ANKZF1: variants seen among roughly 807,000 people sequenced by gnomAD.
ANKZF1 encodes ankyrin repeat and zinc finger peptidyl tRNA hydrolase 1, also known as tRNA endonuclease ANKZF1.
Under a neutral mutation model 86.0 loss-of-function variants are expected in ANKZF1, and 84 were observed. That is an observed-to-expected ratio of 0.98 (90% CI 0.82 to 1.17). ANKZF1 has a LOEUF of 1.17. Ranked by LOEUF, ANKZF1 falls within the 50% of genes most tolerant of loss-of-function variation. ANKZF1 has a pLI of 0.00. For missense variants in ANKZF1, 893 were observed against 918.4 expected (o/e 0.97, Z 0.36); for synonymous variants, 331 against 354.2 (o/e 0.93, Z 0.74).
At position 219,234,355 on chromosome 2, in the gene ANKZF1, T is replaced by C. The variant is rs768176164; in HGVS notation, c.1204+67T>C. The C allele has an allele frequency of 2.5e-6, 4 of 1,599,392 alleles. No homozygotes were observed. In the South Asian group the frequency reaches 3.3e-5, roughly 13 times the overall value. On this transcript the variant is annotated intron_variant, in intron 9 of 13. Transcript: ENST00000323348. ...CCTAAAAATGCACTGGCAAATTCCC[T>C]ACTCTCATAACTGACCCATTTCCTT...
Position 219,232,243 on chromosome 2 carries a change from C to CT in ANKZF1, c.262-14dup. ...GGCATATTTCCACCTTTATCTCACT[C>CT]TTTGTCTTTGTACTAGAGGGAACAT... On this transcript the variant is annotated splice_polypyrimidine_tract_variant and intron_variant, in intron 3 of 13. Coordinates refer to ENST00000323348, the MANE Select transcript of ANKZF1 (RefSeq NM_018089.3). 6.2e-7 allele frequency: 1 copy of CT among 1,611,962 alleles called. No homozygotes were observed. The highest frequency in any genetic ancestry group is 2.2e-5 in the East Asian group (1 of 44,870).
intron 2 of ANKZF1, chr2:219,230,959 A>C (rs1951016283): frequency 6.6e-6 from 1 of 152,246 alleles, no homozygotes; most frequent in Non-Finnish European, 1.5e-5. Flanking sequence ...GGCTGGTCTC[A>C]AACTCCTGGC....
intron 6 of ANKZF1, 21 bp downstream of exon 6, chr2:219,233,212 G>T: frequency 7.4e-6 from 12 of 1,614,208 alleles, no homozygotes; most frequent in Non-Finnish European, 1.0e-5. Context: ...GCTGCATGGG[G>T]GTAAGGATGG....
chr2:219,236,383 T>C lies in ANKZF1; in HGVS notation c.2119T>C (p.Ser707Pro), dbSNP rs752992398. ...GLTPFHYLDFSFCSTRCLQDH... is the reference protein window; with the variant it reads ...GLTPFHYLDFPFCSTRCLQDH... ...GACTCCCTTTCACTACCTCGACTTC[T>C]CTTTCTGCTCCACACGTTGCCTCCA... The change falls in exon 14 of 14, where the codon TCT becomes CCT. Residue 707 changes from serine (S) to proline (P), a missense_variant. Ser to Pro is a moderately conservative substitution (Grantham distance 74, BLOSUM62 -1). Transcript: ENST00000323348. The C allele has an allele frequency of 1.2e-6, 2 of 1,614,136 alleles. No individual in the cohort carries two copies. Among genetic ancestry groups the C allele is most frequent in the East Asian group, 2.2e-5 (1 of 44,886 alleles).
rs1433503624 is a variant in ANKZF1, at chr2:219,233,665, T to G, written c.820-50T>G. 1.9e-6 allele frequency: 3 copies of G among 1,545,242 alleles called. No homozygotes were observed. In the Admixed American group the frequency reaches 6.2e-5, roughly 32 times the overall value. ...TGGGCCATTTTTTTTAGTTGGAGATTTATAAATAGCAAGTGAAGGTATGCA... is the reference window on the plus strand; with the variant it reads ...TGGGCCATTTTTTTTAGTTGGAGATGTATAAATAGCAAGTGAAGGTATGCA... On this transcript the variant is annotated intron_variant, in intron 7 of 13. Transcript: ENST00000323348.
rs748218146 is a variant in ANKZF1, at chr2:219,233,051, A to G, written c.559-28A>G. 6.9e-6 allele frequency: 11 copies of G among 1,599,960 alleles called. No homozygotes were observed. The East Asian group carries it at 1.8e-4, about 26-fold the overall frequency. On this transcript the variant is annotated intron_variant, in intron 5 of 13. Transcript: ENST00000323348. ...CTTGCTCTCAGTGAATGCAACAGAT[A>G]TGTTTCTGATGCTTCTCTGTCATCA...
rs1333421482 is a variant in ANKZF1, at chr2:219,236,442, C to G, written c.2178C>G (p.Ser726=). The change falls in exon 14 of 14, where the codon TCC becomes TCG. Residue 726 remains serine, a synonymous_variant. Transcript: ENST00000323348. ...GCCGTCAGGCAGGGAGGCCCTCTTC[C>G]TGATCTCTTACAGCTCTACCTGGGG... The part of the protein sequence containing the change: ...DHRRQAGRPS[S] 2 of 1,600,638 alleles carry G rather than the reference C, an allele frequency of 1.2e-6. No individual in the cohort carries two copies. Among genetic ancestry groups the G allele is most frequent in the Non-Finnish European group, 1.7e-6 (2 of 1,172,614 alleles).
Position 219,236,429 on chromosome 2 carries a change from G to A in ANKZF1, c.2165G>A (p.Gly722Glu). 2 of 1,607,004 alleles carry A rather than the reference G, an allele frequency of 1.2e-6. No individual in the cohort carries two copies. The highest frequency in any genetic ancestry group is 1.3e-5 in the African/African-American group (1 of 74,916). ...RCLQDHRRQA[G>E]RPSS ...CTCCAGGATCATCGCCGTCAGGCAGGGAGGCCCTCTTCCTGATCTCTTACA... is the reference window on the plus strand; with the variant it reads ...CTCCAGGATCATCGCCGTCAGGCAGAGAGGCCCTCTTCCTGATCTCTTACA... Residue 722 changes from glycine to glutamate, a missense_variant, in exon 14 of 14, where the codon GGG becomes GAG. Transcript: ENST00000323348.
In ANKZF1 at chr2:219,235,134, G is replaced by A. The variant is rs1951167501; in HGVS notation, c.1513G>A (p.Gly505Arg). ...TGCACTGCTTGCTGCTTGCCGAGCT[G>A]GAGATGTTGGAGTGCTAAAGCTGCA... The part of the protein sequence containing the change: ...WNALLAACRA[G>R]DVGVLKLQLA... Residue 505 changes from glycine (G) to arginine (R), a missense_variant, in exon 10 of 14, where the codon GGA (glycine) becomes AGA (arginine). Transcript: ENST00000323348. 6.2e-7 allele frequency: 1 copy of A among 1,614,102 alleles called. No homozygotes were observed. Among genetic ancestry groups the A allele is most frequent in the Admixed American group, 1.7e-5 (1 of 60,008 alleles).
chr2:219,235,861 A>T lies in ANKZF1; in HGVS notation c.1957A>T (p.Ser653Cys). The T allele has an allele frequency of 7.4e-6, 12 of 1,614,192 alleles. No homozygotes were observed. Among genetic ancestry groups the T allele is most frequent in the Non-Finnish European group, 1.0e-5 (12 of 1,180,014 alleles). ...REEQRRFAAL[S>C]DREKRALAAE... ...AGAGCAGCGGCGATTTGCCGCCCTCAGTGACCGAGAGAAGGTGAGGCTGGA... is the reference window on the plus strand; with the variant it reads ...AGAGCAGCGGCGATTTGCCGCCCTCTGTGACCGAGAGAAGGTGAGGCTGGA... Residue 653 changes from serine (S) to cysteine (C), a missense_variant, in exon 12 of 14, where the codon AGT (serine) becomes TGT (cysteine). Coordinates refer to ENST00000323348, the MANE Select transcript of ANKZF1 (RefSeq NM_018089.3).
intron 3 of ANKZF1, 56 bp from the exon 4 acceptor site, chr2:219,232,204 C>T: frequency 6.4e-7 from 1 of 1,566,580 alleles, no homozygotes; most frequent in Non-Finnish European, 8.8e-7. Context: ...TTGGCCAGTA[C>T]AAGGCCAGGC....
In ANKZF1 at chr2:219,235,544, A is replaced by C. The variant is rs1951187219; in HGVS notation, c.1762A>C (p.Met588Leu). The C allele has an allele frequency of 2.0e-5, 32 of 1,613,884 alleles. No individual in the cohort carries two copies. Among genetic ancestry groups the C allele is most frequent in the Non-Finnish European group, 2.7e-5 (32 of 1,180,028 alleles). ...KSTRNEFRRF[M>L]EKNPDAYDYN... ...AACACGTAATGAGTTCCGAAGGTTC[A>C]TGGAGAAGAATCCAGATGCCTACGA... Residue 588 changes from methionine (M) to leucine (L), a missense_variant, in exon 11 of 14, where the codon ATG becomes CTG. Physicochemically the swap from Met to Leu is conservative, Grantham distance 15 (BLOSUM62 2). Coordinates refer to ENST00000323348, the MANE Select transcript of ANKZF1 (RefSeq NM_018089.3).
At chr2:219,234,635 C>A in intron 9 of ANKZF1, 191 bp from the exon 10 acceptor site, 1 of 782,886 alleles carries the variant, frequency 1.3e-6, no homozygotes, top group African/African-American at 1.7e-5. Context: ...ACGGAGAGTC[C>A]AGGGACTTGT....
chr2:219,235,043 A>G lies in ANKZF1; in HGVS notation c.1422A>G (p.Ala474=), dbSNP rs1951163439. The change falls in exon 10 of 14, where the codon GCA becomes GCG. Residue 474 remains alanine, a synonymous_variant. Transcript: ENST00000323348. ...EEEPSTQSSQ[A]VAAPLGPLLD... ...AGCCTTCCACACAGTCATCCCAGGC[A>G]GTTGCTGCCCCCTTGGGCCCTTTGC... The G allele has an allele frequency of 6.2e-7, 1 of 1,614,258 alleles. No homozygotes were observed. Among genetic ancestry groups the G allele is most frequent in the Non-Finnish European group, 8.5e-7 (1 of 1,180,052 alleles).
At chr2:219,231,360 G>A in intron 2 of ANKZF1, 1 of 221,280 alleles carries the variant, frequency 4.5e-6, no homozygotes. Flanking sequence ...AATGCCCAGG[G>A]CCAGTTTTTA....
intron 9 of ANKZF1, 42 bp downstream of exon 9, chr2:219,234,330 C>T (rs1389267412): frequency 6.2e-7 from 1 of 1,613,376 alleles, no homozygotes; most frequent in Admixed American, 1.7e-5. Context: ...GAGTTTCTGT[C>T]CTAAAAATGC....
At position 219,236,243 on chromosome 2, in the gene ANKZF1, G is replaced by C. The variant is rs569469895; in HGVS notation, c.2058-79G>C. On this transcript the variant is annotated intron_variant, in intron 13 of 13. Coordinates refer to ENST00000323348, the MANE Select transcript of ANKZF1 (RefSeq NM_018089.3). ...AGATGCTGCAGTGAAAACAGAAATG[G>C]CAGGAGGAGGGACGGGGAGAGCGTG... is the stretch of plus-strand genomic sequence containing the variant. The C allele has an allele frequency of 1.9e-6, 3 of 1,608,570 alleles. No homozygotes were observed. The African/African-American group carries it at 4.0e-5, about 21-fold the overall frequency.
In ANKZF1 at chr2:219,230,328, C is replaced by T. The variant is rs1264200140; in HGVS notation, c.71C>T (p.Pro24Leu). 2.5e-6 allele frequency: 4 copies of T among 1,613,970 alleles called. No homozygotes were observed. The African/African-American group carries it at 4.0e-5, about 16-fold the overall frequency. Residue 24 changes from proline (P) to leucine (L), a missense_variant, in exon 2 of 14, where the codon CCG (proline) becomes CTG (leucine). Transcript: ENST00000323348. ...ISLFDLSADA[P>L]VFQGLSLVSH... Reference sequence around the variant, plus strand: ...CTGTTTGACCTCAGCGCGGATGCTCCGGTCTTTCAGGGCCTGAGCCTGGTG... The same window carrying T: ...CTGTTTGACCTCAGCGCGGATGCTCTGGTCTTTCAGGGCCTGAGCCTGGTG...
In ANKZF1 at chr2:219,235,329, A is replaced by C; in HGVS notation, c.1691+17A>C. The C allele has an allele frequency of 6.2e-7, 1 of 1,602,876 alleles. No homozygotes were observed. The highest frequency in any genetic ancestry group is 8.5e-7 in the Non-Finnish European group (1 of 1,173,980). On this transcript the variant is annotated intron_variant, in intron 10 of 13. Transcript: ENST00000323348. ...CACTGTGCAGTGAGTAAAGGTCCCC[A>C]TCCTGAGTCATTTTGGGTATAGAGA...
Sources: allele counts gnomAD v4.1 joint callset, GRCh38; gene constraint gnomAD v4.1.1; transcripts MANE v1.5; gene names NCBI Gene and HGNC (gene_info 2026-07-23, HGNC 2026-07-21).